CTNNA2: variants seen among roughly 807,000 people sequenced by gnomAD.
CTNNA2 encodes the protein catenin alpha 2.
Under a neutral mutation model 101.0 loss-of-function variants are expected in CTNNA2, and 42 were observed. The observed-to-expected ratio is 0.42, with a 90% CI of 0.32 to 0.54. The LOEUF is 0.54. Ranked by LOEUF, CTNNA2 falls within the 20% of genes least tolerant of loss-of-function variation. The probability of loss-of-function intolerance (pLI) is 0.14; values close to 1 mark genes in which losing one functional copy is unlikely to be tolerated. For synonymous variants in CTNNA2, 450 were observed against 456.4 expected (o/e 0.99, Z 0.18); for missense variants, 871 against 1,223.1 (o/e 0.71, Z 4.29).
intron 7 of CTNNA2, among the ~76,000 whole-genome samples, chr2:80,288,117 G>T (rs1419229226): frequency 6.6e-6 from 1 of 152,114 alleles, no homozygotes; most frequent in Admixed American, 6.5e-5. Flanking sequence ...GTCCTCTGGT[G>T]ATAGCATTCC....
intron 9 of CTNNA2, among the ~76,000 whole-genome samples, chr2:80,501,662 A>G (rs1339702042): frequency 6.6e-6 from 1 of 152,320 alleles, no homozygotes; most frequent in South Asian, 2.1e-4. Context: ...AGGATTTATT[A>G]TGAATGTGCG....
At chr2:79,466,327 G>C (rs1455256437) in intron 4 of CTNNA2, among the ~76,000 whole-genome samples, 1 of 152,200 alleles carries the variant, frequency 6.6e-6, no homozygotes, top group African/African-American at 2.4e-5. Context: ...AGCAAGGCTG[G>C]GGGAGGGGTC....
At chr2:79,528,077 TTTGA>T (rs1672523489) in intron 1 of CTNNA2, among the ~76,000 whole-genome samples, 1 of 152,226 alleles carries the variant, frequency 6.6e-6, no homozygotes, top group Admixed American at 6.6e-5. Flanking sequence ...TCACATATTG[TTTGA>T]TTGAATTTAT....
chr2:80,562,322 G>A (rs1693680282), intron 12 of CTNNA2, among the ~76,000 whole-genome samples: 1 of 152,150 alleles, frequency 6.6e-6, no homozygotes, highest in African/African-American at 2.4e-5. Flanking sequence ...ACCATAACCA[G>A]ATAGCTTACA....
At chr2:79,750,499 G>T (rs1332919269) in intron 3 of CTNNA2, among the ~76,000 whole-genome samples, 1 of 152,214 alleles carries the variant, frequency 6.6e-6, no homozygotes, top group East Asian at 1.9e-4. Context: ...GTTATTTAGT[G>T]TTTCACATTT....
intron 3 of CTNNA2, among the ~76,000 whole-genome samples, chr2:79,352,614 TACCTTC>T (rs1677416696): frequency 2.0e-5 from 3 of 152,198 alleles, no homozygotes; most frequent in Admixed American, 1.3e-4. Context: ...GATTATTTCA[TACCTTC>T]TACTAGCTTT....
intron 7 of CTNNA2, among the ~76,000 whole-genome samples, chr2:80,098,124 C>T (rs969278822): frequency 5.9e-5 from 9 of 152,120 alleles, no homozygotes; most frequent in Non-Finnish European, 1.2e-4. Context: ...GTTTTTTCCT[C>T]ATCTTTGTGG....
At chr2:79,324,425 G>C (rs939119722) in intron 3 of CTNNA2, among the ~76,000 whole-genome samples, 1 of 152,186 alleles carries the variant, frequency 6.6e-6, no homozygotes, top group African/African-American at 2.4e-5. Context: ...AGTGGGAGGT[G>C]TGTGAGAATC....
At chr2:80,154,543 G>T (rs564084609) in intron 7 of CTNNA2, among the ~76,000 whole-genome samples, 2,631 of 152,194 alleles carry the variant, frequency 0.017, 80 homozygotes, top group African/African-American at 0.059. Flanking sequence ...ATTTTCTTAG[G>T]GACAGAAAGT....
At chr2:80,352,074 G>C (rs1470664403) in intron 7 of CTNNA2, among the ~76,000 whole-genome samples, 1 of 152,108 alleles carries the variant, frequency 6.6e-6, no homozygotes, top group East Asian at 1.9e-4. Flanking sequence ...TTCACCTTGA[G>C]TGTGCCCACT....
intron 2 of CTNNA2, among the ~76,000 whole-genome samples, chr2:79,204,930 T>C (rs1400559304): frequency 6.6e-6 from 1 of 152,250 alleles, no homozygotes; most frequent in African/African-American, 2.4e-5. Flanking sequence ...CTGCCAACAC[T>C]GTTGCACTGA....
chr2:79,333,196 A>AT (rs1676915176), intron 3 of CTNNA2, among the ~76,000 whole-genome samples: 1 of 152,096 alleles, frequency 6.6e-6, no homozygotes, highest in African/African-American at 2.4e-5. Flanking sequence ...ATATTCAAGC[A>AT]ACACCATCTA....
intron 9 of CTNNA2, among the ~76,000 whole-genome samples, chr2:80,422,086 A>T (rs1680574449): frequency 6.6e-6 from 1 of 152,220 alleles, no homozygotes; most frequent in Non-Finnish European, 1.5e-5. Flanking sequence ...AAGACATATC[A>T]TATGCAAGAC....
chr2:79,563,081 C>G (rs1284914219), intron 1 of CTNNA2, among the ~76,000 whole-genome samples: 2 of 150,662 alleles, frequency 1.3e-5, no homozygotes, highest in African/African-American at 4.9e-5. Context: ...TGACATGATC[C>G]AATATGTGAT....
intron 9 of CTNNA2, among the ~76,000 whole-genome samples, chr2:80,495,964 A>T (rs1003838985): frequency 2.0e-5 from 3 of 150,712 alleles, no homozygotes; most frequent in Non-Finnish European, 1.5e-5. Flanking sequence ...AAAAAAAAAA[A>T]AAAGGTGGCC....
intron 9 of CTNNA2, among the ~76,000 whole-genome samples, chr2:80,451,667 T>G (rs1559121342): frequency 6.6e-6 from 1 of 152,348 alleles, no homozygotes; most frequent in Non-Finnish European, 1.5e-5. Flanking sequence ...AATTTAGATT[T>G]GTTCTCTTAG....
At chr2:79,875,731 G>GTT (rs10681981) in intron 6 of CTNNA2, among the ~76,000 whole-genome samples, 3,721 of 151,600 alleles carry the variant, frequency 0.025, 70 homozygotes, top group African/African-American at 0.05. Flanking sequence ...ATTTCCTAAG[G>GTT]TTTTTTTTGT....
chr2:79,992,040 G>T (rs1692220174), intron 7 of CTNNA2, among the ~76,000 whole-genome samples: 1 of 152,112 alleles, frequency 6.6e-6, no homozygotes, highest in Non-Finnish European at 1.5e-5. Flanking sequence ...GACGGATATT[G>T]ATATACTTTG....
At chr2:79,918,105 T>C (rs944246074) in intron 7 of CTNNA2, among the ~76,000 whole-genome samples, 4 of 152,104 alleles carry the variant, frequency 2.6e-5, no homozygotes, top group African/African-American at 9.7e-5. Context: ...AAAAACAGTA[T>C]TGAACAATCA....
Sources: allele counts gnomAD v4.1 joint callset (sites outside exome capture counted in the v4.1 genomes callset), GRCh38; gene constraint gnomAD v4.1.1; transcripts MANE v1.5; gene names NCBI Gene and HGNC (gene_info 2026-07-23, HGNC 2026-07-21).